Variants in ANXA10 observed in about 807,000 individuals in gnomAD.
ANXA10 encodes annexin 14.
ANXA10 carries 49 observed loss-of-function variants against 53.5 expected under a neutral mutation model. The ratio of observed to expected loss-of-function variants is 0.92; its 90% CI spans 0.73 to 1.16. The LOEUF (loss-of-function observed/expected upper bound fraction) is 1.16. ANXA10 is among the 50% of genes most tolerant of loss of function. ANXA10 has a pLI of 0.00. For missense variants in ANXA10, 393 were observed against 394.4 expected (o/e 1.00, Z 0.03); for synonymous variants, 131 against 128.9 (o/e 1.02, Z -0.11).
At chr4:168,146,750 C>G (rs186311044) in intron 3 of ANXA10, among the ~76,000 whole-genome samples, 42 of 151,944 alleles carry the variant, frequency 2.8e-4, no homozygotes, top group Non-Finnish European at 2.6e-4. Flanking sequence ...TTTTTCCCCC[C>G]ACAGACTACA....
At chr4:168,134,860 G>A (rs140898774) in intron 2 of ANXA10, among the ~76,000 whole-genome samples, 166 of 152,230 alleles carry the variant, frequency 1.1e-3, no homozygotes, top group African/African-American at 3.8e-3. Context: ...AGTCATCTAT[G>A]TTAATTCTTA....
At chr4:168,163,566 T>A (rs1731821390) in intron 4 of ANXA10, among the ~76,000 whole-genome samples, 1 of 152,210 alleles carries the variant, frequency 6.6e-6, no homozygotes. Context: ...AATAAAGTTA[T>A]ATGTTTATAT....
At chr4:168,169,658 C>T (rs1016307130) in intron 6 of ANXA10, among the ~76,000 whole-genome samples, 1 of 152,158 alleles carries the variant, frequency 6.6e-6, no homozygotes, top group Non-Finnish European at 1.5e-5. Flanking sequence ...AGTGGTGTAC[C>T]TGACATTACA....
At chr4:168,133,895 AATT>A (rs1323392428) in intron 2 of ANXA10, among the ~76,000 whole-genome samples, 1 of 152,114 alleles carries the variant, frequency 6.6e-6, no homozygotes, top group Non-Finnish European at 1.5e-5. Context: ...GAAAAAGATA[AATT>A]ATTTAGAAAT....
At chr4:168,093,701 G>A (rs947191649) in intron 1 of ANXA10, among the ~76,000 whole-genome samples, 13 of 151,960 alleles carry the variant, frequency 8.6e-5, no homozygotes, top group Non-Finnish European at 1.3e-4. Context: ...AACTTTCTGG[G>A]AACTTTTATG....
rs560939846 is a variant in ANXA10 at position 168,092,971 on chromosome 4, A to T, written c.18+253A>T. ...AATGCAATTATTTGCTATGCTTCTGAAGCAAATAAAGAAAACTGAAGATTA... is the reference window on the plus strand; with the variant it reads ...AATGCAATTATTTGCTATGCTTCTGTAGCAAATAAAGAAAACTGAAGATTA... On this transcript the variant is annotated intron_variant, in intron 1 of 11. Transcript: ENST00000359299. Among the ~76,000 whole-genome samples the T allele has an allele frequency of 1.4e-4, 22 of 152,226 alleles. 1 individual carries two copies. The South Asian group carries it at 4.6e-3, about 32-fold the overall frequency.
intron 1 of ANXA10, among the ~76,000 whole-genome samples, chr4:168,124,957 A>C (rs1026883228): frequency 1.3e-5 from 2 of 152,234 alleles, no homozygotes; most frequent in Non-Finnish European, 2.9e-5. Flanking sequence ...AATTAAAAGA[A>C]GGCAAATTAC....
At position 168,164,188 on chromosome 4, in the gene ANXA10, C is replaced by T. The variant is rs777984041; in HGVS notation, c.310-10C>T. On this transcript the variant is annotated splice_polypyrimidine_tract_variant and intron_variant, in intron 4 of 11. Coordinates refer to ENST00000359299, the MANE Select transcript of ANXA10 (RefSeq NM_007193.5). Reference sequence around the variant, plus strand: ...TATCCTTACATTTATCTCTTTTTTCCTTTCTCTAGGGAGTAGGCACTGATG... The same window carrying T: ...TATCCTTACATTTATCTCTTTTTTCTTTTCTCTAGGGAGTAGGCACTGATG... 7 of 1,578,686 alleles carry T rather than the reference C, an allele frequency of 4.4e-6. No individual in the cohort carries two copies. Among genetic ancestry groups the T allele is most frequent in the Admixed American group, 1.7e-5 (1 of 57,402 alleles).
At chr4:168,129,612 T>C (rs917362197) in intron 2 of ANXA10, among the ~76,000 whole-genome samples, 2 of 152,186 alleles carry the variant, frequency 1.3e-5, no homozygotes, top group Non-Finnish European at 1.5e-5. Flanking sequence ...TTTAAAGTTC[T>C]ATCCATCTCC....
intron 3 of ANXA10, among the ~76,000 whole-genome samples, chr4:168,143,688 C>T (rs989234768): frequency 1.1e-4 from 17 of 152,048 alleles, no homozygotes; most frequent in African/African-American, 3.9e-4. Context: ...AGCATTGATG[C>T]AATTAATTTT....
intron 6 of ANXA10, among the ~76,000 whole-genome samples, chr4:168,173,403 T>G (rs1488563028): frequency 6.6e-6 from 1 of 152,160 alleles, no homozygotes; most frequent in African/African-American, 2.4e-5. Flanking sequence ...TTGAGTGAAA[T>G]GGATGAGAGG....
At chr4:168,184,502 CAG>C (rs1732324771) in intron 10 of ANXA10, 55 bp from the exon 11 acceptor site, 6 of 1,601,052 alleles carry the variant, frequency 3.7e-6, no homozygotes, top group Non-Finnish European at 5.1e-6. Flanking sequence ...CCACTTGGGA[CAG>C]ACTGACTTTT....
chr4:168,174,501 G>A (rs572293824), intron 6 of ANXA10, among the ~76,000 whole-genome samples: 28 of 152,294 alleles, frequency 1.8e-4, no homozygotes, highest in African/African-American at 6.0e-4. Flanking sequence ...AGTCACAGTG[G>A]CCACAGGATC....
At chr4:168,163,068 T>C (rs1469038413) in intron 4 of ANXA10, among the ~76,000 whole-genome samples, 1 of 152,202 alleles carries the variant, frequency 6.6e-6, no homozygotes, top group Non-Finnish European at 1.5e-5. Context: ...AGGGACAATA[T>C]ATAGATGATG....
chr4:168,181,315 C>T (rs1293110298), intron 9 of ANXA10, among the ~76,000 whole-genome samples: 4 of 147,530 alleles, frequency 2.7e-5, no homozygotes, highest in Admixed American at 1.4e-4. Flanking sequence ...GGCGTGAACC[C>T]GGGAGGCGGA....
intron 1 of ANXA10, among the ~76,000 whole-genome samples, chr4:168,102,609 G>T (rs1023147246): frequency 1.1e-4 from 16 of 152,050 alleles, no homozygotes; most frequent in African/African-American, 3.1e-4. Flanking sequence ...ACTGTCTCTT[G>T]TATGGATGTA....
intron 3 of ANXA10, among the ~76,000 whole-genome samples, chr4:168,159,332 A>T (rs148784334): frequency 1.3e-5 from 2 of 152,202 alleles, no homozygotes; most frequent in Non-Finnish European, 2.9e-5. Flanking sequence ...CTAGGTTTAT[A>T]AGGGATATCA....
chr4:168,128,448 T>C (rs1421427298), intron 2 of ANXA10, among the ~76,000 whole-genome samples: 1 of 152,166 alleles, frequency 6.6e-6, no homozygotes, highest in Non-Finnish European at 1.5e-5. Context: ...AAATCTCCAC[T>C]AAAACACCTT....
intron 1 of ANXA10, among the ~76,000 whole-genome samples, chr4:168,126,432 T>C (rs1731070785): frequency 6.6e-6 from 1 of 152,220 alleles, no homozygotes; most frequent in Non-Finnish European, 1.5e-5. Context: ...TATAAAGTGT[T>C]ACCACTGGAA....
Sources: allele counts gnomAD v4.1 joint callset (sites outside exome capture counted in the v4.1 genomes callset), GRCh38; gene constraint gnomAD v4.1.1; transcripts MANE v1.5; gene names NCBI Gene and HGNC (gene_info 2026-07-23, HGNC 2026-07-21).